Variants in NRG1 observed in about 807,000 individuals in gnomAD.
NRG1 encodes the protein neuregulin 1.
A neutral mutation model predicts 63.8 loss-of-function variants in NRG1; 18 were observed. That is an observed-to-expected ratio of 0.28 (90% CI 0.19 to 0.42). The LOEUF (loss-of-function observed/expected upper bound fraction) is 0.42. Ranked by LOEUF, NRG1 falls within the 10% of genes least tolerant of loss-of-function variation. The pLI, the probability that NRG1 is intolerant of heterozygous loss-of-function variation, is 1.00. For synonymous variants in NRG1, 302 were observed against 301.3 expected, an observed-to-expected ratio of 1.00 and a Z score of -0.02; for missense variants, 762 against 814.7, an observed-to-expected ratio of 0.94 and a Z score of 0.79.
chr8:31,672,234 G>T (rs1807229579), intron 1 of NRG1, among the ~76,000 whole-genome samples: 2 of 152,074 alleles, frequency 1.3e-5, no homozygotes, highest in African/African-American at 4.8e-5. Context: ...TTTTTGTGAA[G>T]AGTTTTTTTT....
intron 1 of NRG1, among the ~76,000 whole-genome samples, chr8:31,760,698 A>G (rs1231845627): frequency 6.6e-6 from 1 of 152,234 alleles, no homozygotes; most frequent in Non-Finnish European, 1.5e-5. Context: ...GACGCATGAA[A>G]AAATGCTCAT....
intron 1 of NRG1, among the ~76,000 whole-genome samples, chr8:32,415,295 C>G (rs1026447586): frequency 6.7e-6 from 1 of 149,148 alleles, no homozygotes; most frequent in South Asian, 2.1e-4. Context: ...GTAGTCCCAG[C>G]TACTTGGGAG....
rs188396146 is a variant in NRG1, at chr8:31,775,361, G to A, written c.37+135930G>A. Among the ~76,000 whole-genome samples, 106 of 152,278 alleles carry A rather than the reference G, an allele frequency of 7.0e-4. 1 individual carries two copies. Among genetic ancestry groups the A allele is most frequent in the Non-Finnish European group, 1.1e-3 (75 of 68,022 alleles). ...TCAGAAACAGAAAGTCAAGTATCACGTTCTCACTTATGAGTGAGAGATAAA... is the reference window on the plus strand; with the variant it reads ...TCAGAAACAGAAAGTCAAGTATCACATTCTCACTTATGAGTGAGAGATAAA... On this transcript the variant is annotated intron_variant, in intron 1 of 10. Coordinates refer to the NRG1 transcript ENST00000519301.
intron 6 of NRG1, among the ~76,000 whole-genome samples, chr8:32,732,227 A>G (rs1249652868): frequency 6.6e-6 from 1 of 152,322 alleles, no homozygotes; most frequent in Non-Finnish European, 1.5e-5. Flanking sequence ...TCCAGATTAT[A>G]AAAAGATGAG....
intron 1 of NRG1, among the ~76,000 whole-genome samples, chr8:31,863,249 T>C (rs1828640383): frequency 1.3e-5 from 2 of 152,160 alleles, no homozygotes; most frequent in Admixed American, 1.3e-4. Context: ...CTAAACATTC[T>C]CATAGCTATA....
At chr8:32,680,683 A>G (rs1808371329) in intron 5 of NRG1, among the ~76,000 whole-genome samples, 1 of 151,994 alleles carries the variant, frequency 6.6e-6, no homozygotes, top group African/African-American at 2.4e-5. Flanking sequence ...CCTACCCAGA[A>G]TTTTCTGATT....
chr8:32,208,028 T>G (rs1230695405), intron 1 of NRG1, among the ~76,000 whole-genome samples: 1 of 152,174 alleles, frequency 6.6e-6, no homozygotes, highest in Non-Finnish European at 1.5e-5. Context: ...TGAGACATGA[T>G]TTTTTTACAC....
At chr8:32,084,245 A>G (rs1313829226) in intron 1 of NRG1, among the ~76,000 whole-genome samples, 1 of 152,132 alleles carries the variant, frequency 6.6e-6, no homozygotes, top group Non-Finnish European at 1.5e-5. Context: ...GGCTTTCATT[A>G]TGAGTTCATT....
chr8:32,236,913 C>G (rs921311844), intron 1 of NRG1, among the ~76,000 whole-genome samples: 2 of 152,132 alleles, frequency 1.3e-5, no homozygotes, highest in African/African-American at 4.8e-5. Flanking sequence ...TCATGTACAG[C>G]TGACTCCAAG....
At chr8:32,612,699 A>G (rs1314773445) in intron 3 of NRG1, among the ~76,000 whole-genome samples, 1 of 152,018 alleles carries the variant, frequency 6.6e-6, no homozygotes, top group Non-Finnish European at 1.5e-5. Context: ...TTGGAAGGTC[A>G]CAGTGGACAG....
At chr8:32,344,386 T>TTCTTTCTTTC (rs59670474) in intron 1 of NRG1, among the ~76,000 whole-genome samples, 5,889 of 101,232 alleles carry the variant, frequency 0.058, 666 homozygotes, top group East Asian at 0.37. Flanking sequence ...TTCTTTCTCT[T>TTCTTTCTTTC]TCTTTCTTTT....
At chr8:31,675,168 C>G (rs1209051717) in intron 1 of NRG1, among the ~76,000 whole-genome samples, 6 of 152,170 alleles carry the variant, frequency 3.9e-5, no homozygotes, top group Non-Finnish European at 8.8e-5. Context: ...CATGGTGAAA[C>G]CCCATCTCTA....
At chr8:32,697,510 T>C (rs917655042) in intron 5 of NRG1, among the ~76,000 whole-genome samples, 1 of 152,228 alleles carries the variant, frequency 6.6e-6, no homozygotes, top group Non-Finnish European at 1.5e-5. Context: ...TCTTCAAGTG[T>C]CTACAGTCTT....
chr8:32,019,460 G>A (rs1816098809), intron 1 of NRG1, among the ~76,000 whole-genome samples: 1 of 152,198 alleles, frequency 6.6e-6, no homozygotes, highest in African/African-American at 2.4e-5. Context: ...CAGGTACTGT[G>A]TAATATGTTT....
intron 1 of NRG1, among the ~76,000 whole-genome samples, chr8:32,514,228 CAA>C (rs1227701199): frequency 6.6e-6 from 1 of 152,144 alleles, no homozygotes; most frequent in Non-Finnish European, 1.5e-5. Context: ...ATTAGACAAA[CAA>C]GAATCATTAC....
chr8:32,467,860 G>A (rs964227480), intron 1 of NRG1, among the ~76,000 whole-genome samples: 2 of 152,170 alleles, frequency 1.3e-5, no homozygotes, highest in African/African-American at 4.8e-5. Flanking sequence ...GTATAGGCCA[G>A]CTTTTCAGGA....
chr8:32,033,323 T>C (rs553381700), intron 1 of NRG1, among the ~76,000 whole-genome samples: 12 of 152,208 alleles, frequency 7.9e-5, no homozygotes, highest in African/African-American at 2.9e-4. Context: ...GTTTTTGTAC[T>C]AGTACCATGC....
intron 1 of NRG1, among the ~76,000 whole-genome samples, chr8:31,838,544 G>T (rs1248798656): frequency 6.6e-6 from 1 of 152,116 alleles, no homozygotes; most frequent in Non-Finnish European, 1.5e-5. Flanking sequence ...CTTTCGAAAA[G>T]CATTGAATCT....
chr8:31,839,127 T>C (rs569199727), intron 1 of NRG1, among the ~76,000 whole-genome samples: 5 of 152,284 alleles, frequency 3.3e-5, no homozygotes, highest in Admixed American at 1.3e-4. Flanking sequence ...TCTCCATAGG[T>C]TTATTAATAT....
Sources: allele counts gnomAD v4.1 joint callset (sites outside exome capture counted in the v4.1 genomes callset), GRCh38; gene constraint gnomAD v4.1.1; transcripts MANE v1.5; gene names NCBI Gene and HGNC (gene_info 2026-07-23, HGNC 2026-07-21).